The following GNAS variants were observed in gnomAD, a reference collection of about 807,000 sequenced individuals.
GNAS encodes protein ALEX.
In GNAS, 8 loss-of-function variants were observed where a neutral mutation model predicts 54.5. The ratio of observed to expected loss-of-function variants is 0.15; its 90% CI spans 0.09 to 0.26. The LOEUF is 0.26. Ranked by LOEUF, GNAS falls within the 10% of genes least tolerant of loss-of-function variation. The pLI is 1.00. For missense variants in GNAS, 170 were observed against 529.8 expected, an observed-to-expected ratio of 0.32 and a Z score of 6.67; for synonymous variants, 204 against 191.4, an observed-to-expected ratio of 1.07 and a Z score of -0.54.
At chr20:58,872,651 A>G (rs950418251) in intron 1 of GNAS, among the ~76,000 whole-genome samples, 1 of 151,902 alleles carries the variant, frequency 6.6e-6, no homozygotes, top group African/African-American at 2.4e-5. Context: ...AGGGAAGACA[A>G]TTCTGTTCAG....
chr20:58,848,565 G>T (rs2086030165), intron 1 of GNAS, among the ~76,000 whole-genome samples: 1 of 152,150 alleles, frequency 6.6e-6, no homozygotes, highest in Non-Finnish European at 1.5e-5. Context: ...CCCCGGCAAG[G>T]TTAGGCCCCA....
chr20:58,841,973 G>C lies in GNAS; in HGVS notation c.43+1087G>C. The C allele has an allele frequency of 9.3e-7, 1 of 1,076,640 alleles. No homozygotes were observed. The allele number at this position is 1,076,640 out of a possible 1,614,324, so 66.7% of individuals were successfully genotyped here. A position where few individuals can be genotyped will look rare whatever the true frequency, so the allele number is the denominator to read the frequency against. Reference sequence around the variant, plus strand: ...AAAGAGCGCGGTACGCGCAGAGCTGGGGAAAGGTGTTGGATCCGGCGCCAG... The same window carrying C: ...AAAGAGCGCGGTACGCGCAGAGCTGCGGAAAGGTGTTGGATCCGGCGCCAG... On this transcript the variant is annotated intron_variant, in intron 1 of 12. Coordinates refer to the GNAS transcript ENST00000306090. The surrounding 1 kb of genome is among the most constrained non-coding windows in gnomAD (Gnocchi z 5.0).
upstream of GNAS, chr20:58,839,851 A>G: frequency 1.7e-6 from 1 of 596,834 alleles, no homozygotes; most frequent in Non-Finnish European, 3.0e-6. Flanking sequence ...GGGAGGAGAC[A>G]GAACTTTCCC....
chr20:58,862,575 T>C (rs773256518), intron 1 of GNAS, among the ~76,000 whole-genome samples: 1 of 151,714 alleles, frequency 6.6e-6, no homozygotes, highest in Non-Finnish European at 1.5e-5. Context: ...TTTTTGTTTG[T>C]GTCTTTGTTT....
At chr20:58,889,148 G>C (rs2088840923), upstream of GNAS, 1 of 1,213,418 alleles carries the variant, frequency 8.2e-7, no homozygotes, top group African/African-American at 1.6e-5. Flanking sequence ...ATCGGGGCCG[G>C]TTAGAAGCTC....
At chr20:58,903,237 G>T in intron 3 of GNAS, 1 of 506,552 alleles carries the variant, frequency 2.0e-6, no homozygotes, top group Non-Finnish European at 3.6e-6. Flanking sequence ...TATGTAGTGT[G>T]GGGGCTTCAA....
Position 58,910,264 on chromosome 20 carries a change from A to G in GNAS, c.971-70A>G. 7.6e-7 allele frequency: 1 copy of G among 1,315,314 alleles called. No homozygotes were observed. Among genetic ancestry groups the G allele is most frequent in the Non-Finnish European group, 1.1e-6 (1 of 907,068 alleles). The allele number at this position is 1,315,314 out of a possible 1,614,324, so 81.5% of individuals were successfully genotyped here. A position where few individuals can be genotyped will look rare whatever the true frequency, so the allele number is the denominator to read the frequency against. ...CAGGGTTTTGAAGACTTCAGGAGCT[A>G]CAGAGATGCTAGCACCCCAGCTCTG... is the stretch of plus-strand genomic sequence containing the variant. On this transcript the variant is annotated intron_variant, in intron 11 of 12. Transcript: ENST00000371085. The surrounding 1 kb of genome is among the most constrained non-coding windows in gnomAD (Gnocchi z 5.8).
chr20:58,891,693 A>AGCC lies in GNAS; in HGVS notation c.-33_-31dup. 1 of 984,250 alleles carries AGCC rather than the reference A, an allele frequency of 1.0e-6. No homozygotes were observed. Among genetic ancestry groups the AGCC allele is most frequent in the East Asian group, 1.4e-4 (1 of 7,042 alleles). 61.0% of individuals were successfully genotyped at this position (984,250 alleles called of 1,614,324 possible). Reference sequence around the variant, plus strand: ...GGCCGCCCGCGCCCGCCGCCGCCGCAGCCCGGCCGCGCCCCGCCGCCGCCG... The same window carrying AGCC: ...GGCCGCCCGCGCCCGCCGCCGCCGCAGCCGCCCGGCCGCGCCCCGCCGCCGCCG... On this transcript the variant is annotated 5_prime_UTR_variant, in exon 1 of 13. Coordinates refer to ENST00000371085, the MANE Select transcript of GNAS (RefSeq NM_000516.7).
chr20:58,878,912 T>TGGGGGGGGGGGGGG (rs11086659), intron 1 of GNAS, among the ~76,000 whole-genome samples: 143 of 95,268 alleles, frequency 1.5e-3, no homozygotes, highest in Admixed American at 1.7e-3. Flanking sequence ...GGGGTGCGGG[T>TGGGGGGGGGGGGGG]GGGGGGGGGA....
In GNAS at chr20:58,854,428, C is replaced by A. The variant is rs868645236; in HGVS notation, c.43+13542C>A. ...TCCCCTGCCGCCGGGGCAGCCTCAG[C>A]GGATACCGCTGCCAGGGCAGCCCCT... On this transcript the variant is annotated intron_variant, in intron 1 of 12. Coordinates refer to the GNAS transcript ENST00000306090. The A allele has an allele frequency of 2.5e-6, 4 of 1,571,648 alleles. No homozygotes were observed. Among genetic ancestry groups the A allele is most frequent in the African/African-American group, 1.4e-5 (1 of 73,486 alleles).
intron 1 of GNAS, chr20:58,850,876 T>G (rs1019316056): frequency 7.5e-6 from 3 of 398,662 alleles, no homozygotes; most frequent in African/African-American, 6.2e-5. Flanking sequence ...GCAGCACCTC[T>G]TCGGGCGTTC....
At chr20:58,903,650 C>T (rs201998605) in intron 4 of GNAS, 22 bp from the exon 5 acceptor site, 87 of 1,613,980 alleles carry the variant, frequency 5.4e-5, no homozygotes, top group African/African-American at 2.9e-4. Flanking sequence ...GTTCCCTGAC[C>T]GCTTTGCTAA....
At chr20:58,846,417 A>C (rs1434016711) in intron 1 of GNAS, among the ~76,000 whole-genome samples, 2 of 152,244 alleles carry the variant, frequency 1.3e-5, no homozygotes, top group African/African-American at 4.8e-5. Context: ...CACCATTAAC[A>C]TCACTGTCCC....
intron 2 of GNAS, chr20:58,898,740 C>T (rs1278006838): frequency 6.1e-6 from 4 of 652,652 alleles, no homozygotes; most frequent in South Asian, 1.7e-5. Context: ...GGGATTCTTC[C>T]CCCATGGCCT....
intron 1 of GNAS, chr20:58,854,009 A>G (rs1350973822): frequency 1.2e-6 from 2 of 1,611,644 alleles, no homozygotes; most frequent in Non-Finnish European, 1.7e-6. Context: ...TTATCGCACA[A>G]GTCGACGGCA....
chr20:58,868,166 G>A lies in GNAS; in HGVS notation c.43+27280G>A, dbSNP rs560589766. ...TTCCTGAGTAGCTGGTACTACAGGC[G>A]CACGCCACCACACATAGCTAATTAT... On this transcript the variant is annotated intron_variant, in intron 1 of 12. Transcript: ENST00000306090. Among the ~76,000 whole-genome samples the A allele has an allele frequency of 4.0e-4, 61 of 152,004 alleles. No homozygotes were observed. In the South Asian group the frequency reaches 7.9e-3, roughly 20 times the overall value.
chr20:58,880,285 C>T (rs746524258), intron 1 of GNAS, among the ~76,000 whole-genome samples: 1 of 152,176 alleles, frequency 6.6e-6, no homozygotes, highest in Non-Finnish European at 1.5e-5. Context: ...GATGCTGTTC[C>T]GAATCCATCT....
rs1239045963 is a variant in GNAS at position 58,903,691 on chromosome 20, G to C, written c.332G>C (p.Ser111Thr). 6.2e-7 allele frequency: 1 copy of C among 1,614,088 alleles called. No homozygotes were observed. The highest frequency in any genetic ancestry group is 1.7e-5 in the Admixed American group (1 of 60,026). Residue 111 changes from serine to threonine, a missense_variant, in exon 5 of 13, where the codon AGC becomes ACC. Ser to Thr is a moderately conservative substitution (Grantham distance 58). Coordinates refer to ENST00000371085, the MANE Select transcript of GNAS (RefSeq NM_000516.7). Reference protein sequence around the residue: ...EAIETIVAAMSNLVPPVELAN... With the variant: ...EAIETIVAAMTNLVPPVELAN... ...TTTCAGACCATTGTGGCCGCCATGA[G>C]CAACCTGGTGCCCCCCGTGGAGCTG...
chr20:58,882,519 C>G (rs972535635), intron 1 of GNAS, among the ~76,000 whole-genome samples: 2 of 152,224 alleles, frequency 1.3e-5, no homozygotes, highest in Admixed American at 1.3e-4. Context: ...TTAGGCATCA[C>G]AATTTCAGCC....
Sources: allele counts gnomAD v4.1 joint callset (sites outside exome capture counted in the v4.1 genomes callset), GRCh38; gene constraint gnomAD v4.1.1; non-coding constraint Gnocchi (gnomAD v3.1); transcripts MANE v1.5; gene names NCBI Gene and HGNC (gene_info 2026-07-23, HGNC 2026-07-21).